Variants in EXOC6B observed in about 807,000 individuals in gnomAD.
EXOC6B encodes the protein SEC15 homolog B.
Under a neutral mutation model 113.5 loss-of-function variants are expected in EXOC6B, and 54 were observed. That is an observed-to-expected ratio of 0.48 (90% CI 0.38 to 0.60). The LOEUF (loss-of-function observed/expected upper bound fraction) is 0.60, where lower values mean the gene tolerates loss of function less well. Ranked by LOEUF, EXOC6B falls within the 20% of genes least tolerant of loss-of-function variation. The pLI, the probability that EXOC6B is intolerant of heterozygous loss-of-function variation, is 0.00. For synonymous variants in EXOC6B, 357 were observed against 339.0 expected (o/e 1.05, Z -0.58); for missense variants, 797 against 977.5 (o/e 0.82, Z 2.46).
chr2:72,597,917 A>C lies in EXOC6B; in HGVS notation c.670-22249T>G, dbSNP rs951292407. Among the ~76,000 whole-genome samples, 9 of 151,978 alleles carry C rather than the reference A, an allele frequency of 5.9e-5. 1 individual carries two copies. On this transcript the variant is annotated intron_variant, in intron 6 of 21. Transcript: ENST00000272427. ...ACAGTCCTTAGTGGGTATGCACCTA[A>C]CAACAGAGCACCAATATGCATAAGG...
At chr2:72,235,957 A>G (rs1681934315) in intron 20 of EXOC6B, among the ~76,000 whole-genome samples, 1 of 152,226 alleles carries the variant, frequency 6.6e-6, no homozygotes, top group Middle Eastern at 3.2e-3. Flanking sequence ...AAATAGCCAT[A>G]TAGAAGTGCT....
intron 19 of EXOC6B, among the ~76,000 whole-genome samples, chr2:72,336,656 T>C (rs1266782049): frequency 6.6e-6 from 1 of 152,152 alleles, no homozygotes. Flanking sequence ...AAAATTCAAA[T>C]GCCATATATA....
intron 20 of EXOC6B, among the ~76,000 whole-genome samples, chr2:72,188,437 C>T (rs1678590002): frequency 6.6e-6 from 1 of 152,076 alleles, no homozygotes; most frequent in Admixed American, 6.5e-5. Context: ...ATGTTGCTTC[C>T]CACAGTCTTT....
rs999868535 is a variant in EXOC6B at position 72,595,303 on chromosome 2, AT to A, written c.670-19636del. ...TATATAGATATATATATCTATATAT[AT>A]ATATGACAATTAATAAGCATGGAGA... On this transcript the variant is annotated intron_variant, in intron 6 of 21. Transcript: ENST00000272427. Among the ~76,000 whole-genome samples the A allele has an allele frequency of 3.8e-4, 56 of 147,844 alleles. 1 individual carries two copies. Among genetic ancestry groups the A allele is most frequent in the African/African-American group, 1.4e-3 (55 of 40,726 alleles).
intron 6 of EXOC6B, among the ~76,000 whole-genome samples, chr2:72,585,649 C>A (rs1378155826): frequency 1.3e-5 from 2 of 151,578 alleles, no homozygotes; most frequent in Non-Finnish European, 2.9e-5. Context: ...ATAAAAGATC[C>A]TCAGGGCCTA....
At chr2:72,663,882 C>T (rs1675193955) in intron 6 of EXOC6B, among the ~76,000 whole-genome samples, 1 of 151,912 alleles carries the variant, frequency 6.6e-6, no homozygotes, top group Non-Finnish European at 1.5e-5. Flanking sequence ...ATTGGCTCAT[C>T]AATTATAAAA....
intron 6 of EXOC6B, among the ~76,000 whole-genome samples, chr2:72,641,159 C>A (rs72846917): frequency 6.6e-6 from 1 of 152,186 alleles, no homozygotes; most frequent in Non-Finnish European, 1.5e-5. Context: ...ACAGAGAAGA[C>A]GGTGATTTTT....
At chr2:72,525,245 G>A (rs1473809904) in intron 8 of EXOC6B, among the ~76,000 whole-genome samples, 2 of 152,230 alleles carry the variant, frequency 1.3e-5, no homozygotes, top group East Asian at 1.9e-4. Flanking sequence ...CCAAGACAGA[G>A]TGTTAATTTA....
chr2:72,753,109 T>C (rs1240117529), intron 1 of EXOC6B, among the ~76,000 whole-genome samples: 1 of 152,076 alleles, frequency 6.6e-6, no homozygotes, highest in Non-Finnish European at 1.5e-5. Context: ...AAACCGTGCA[T>C]GTCAAAAACT....
chr2:72,595,372 AAT>A (rs1670014643), intron 6 of EXOC6B, among the ~76,000 whole-genome samples: 1 of 148,656 alleles, frequency 6.7e-6, no homozygotes, highest in African/African-American at 2.4e-5. Context: ...ATAGGCTAAT[AAT>A]ATAATTTTAA....
intron 20 of EXOC6B, among the ~76,000 whole-genome samples, chr2:72,229,181 T>C (rs1286327408): frequency 6.6e-6 from 1 of 152,044 alleles, no homozygotes; most frequent in Non-Finnish European, 1.5e-5. Context: ...ACTGATTGAG[T>C]AGTGATGCCT....
At chr2:72,457,164 C>A (rs1264842975) in intron 18 of EXOC6B, among the ~76,000 whole-genome samples, 1 of 152,006 alleles carries the variant, frequency 6.6e-6, no homozygotes, top group Non-Finnish European at 1.5e-5. Flanking sequence ...TATGAAAAGT[C>A]TTGATGGACA....
intron 20 of EXOC6B, among the ~76,000 whole-genome samples, chr2:72,329,165 C>T (rs1437794315): frequency 6.6e-6 from 1 of 152,110 alleles, no homozygotes; most frequent in East Asian, 1.9e-4. Flanking sequence ...CCTACCCCCA[C>T]ACTTCTCTTC....
intron 8 of EXOC6B, among the ~76,000 whole-genome samples, chr2:72,530,884 T>C (rs1052509934): frequency 1.6e-4 from 24 of 152,160 alleles, no homozygotes; most frequent in African/African-American, 5.8e-4. Context: ...TTTATATTAA[T>C]AGAGATTATT....
At chr2:72,411,768 G>C (rs1373079833) in intron 18 of EXOC6B, among the ~76,000 whole-genome samples, 2 of 152,104 alleles carry the variant, frequency 1.3e-5, no homozygotes, top group Non-Finnish European at 2.9e-5. Context: ...TAGGAAACAT[G>C]AGTTTCCACA....
intron 20 of EXOC6B, among the ~76,000 whole-genome samples, chr2:72,213,986 T>C (rs1270534531): frequency 2.6e-5 from 4 of 152,166 alleles, no homozygotes; most frequent in Non-Finnish European, 4.4e-5. Context: ...TTTTCCTCTG[T>C]AGGCTGGTAG....
At position 72,352,874 on chromosome 2, in the gene EXOC6B, TAA is replaced by T. The variant is rs920223681; in HGVS notation, c.2123-17856_2123-17855del. 2.2e-4 allele frequency among the ~76,000 whole-genome samples: 33 copies of T among 152,288 alleles called. 1 individual carries two copies. The highest frequency in any genetic ancestry group is 6.8e-3 in the Middle Eastern group (2 of 294). On this transcript the variant is annotated intron_variant, in intron 19 of 21. Coordinates refer to ENST00000272427, the MANE Select transcript of EXOC6B (RefSeq NM_015189.3). The stretch of plus-strand genomic sequence containing the variant: ...ATAATTTCTAAATAGACATGGTATT[TAA>T]TATGGTTTCCTGGTTTATACCCTAT...
At chr2:72,794,161 G>A (rs1684825285) in intron 1 of EXOC6B, among the ~76,000 whole-genome samples, 1 of 152,212 alleles carries the variant, frequency 6.6e-6, no homozygotes, top group Non-Finnish European at 1.5e-5. Context: ...TGTAGAAGCA[G>A]CTCAATTTTG....
At position 72,797,572 on chromosome 2, in the gene EXOC6B, G is replaced by C. The variant is rs6745774; in HGVS notation, c.113+28226C>G. On this transcript the variant is annotated intron_variant, in intron 1 of 21. Coordinates refer to ENST00000272427, the MANE Select transcript of EXOC6B (RefSeq NM_015189.3). ...CTCACGCCTGTAATCCCAGCACTTT[G>C]GGAGGCCAAGGTGGGCAGATCACTT... Among the ~76,000 whole-genome samples, 537 of 152,290 alleles carry C rather than the reference G, an allele frequency of 3.5e-3. 8 individuals carry two copies. The highest frequency in any genetic ancestry group is 0.013 in the African/African-American group (521 of 41,570).
Sources: gnomAD v4.1 joint callset for allele counts (sites outside exome capture counted in the v4.1 genomes callset) on GRCh38, gnomAD v4.1.1 for gene constraint, MANE v1.5 for transcripts, NCBI Gene and HGNC (gene_info 2026-07-23, HGNC 2026-07-21) for gene names.